Variants in ARHGAP15 observed in about 807,000 individuals in gnomAD.
ARHGAP15 encodes Rho GTPase activating protein 15.
In ARHGAP15, 51 loss-of-function variants were observed where a neutral mutation model predicts 63.7. The observed-to-expected ratio is 0.80, with a 90% CI of 0.64 to 1.01. ARHGAP15 has a LOEUF of 1.01. Among genes scored for constraint, ARHGAP15 ranks in the 50% least tolerant of loss-of-function variants. The pLI is 0.00. For synonymous variants in ARHGAP15, 191 were observed against 193.8 expected, an observed-to-expected ratio of 0.99 and a Z score of 0.12; for missense variants, 560 against 564.6, an observed-to-expected ratio of 0.99 and a Z score of 0.08.
intron 12 of ARHGAP15, among the ~76,000 whole-genome samples, chr2:143,627,533 T>C (rs1230747158): frequency 6.6e-6 from 1 of 152,168 alleles, no homozygotes; most frequent in African/African-American, 2.4e-5. Context: ...CTAAAAAGTC[T>C]TTCAAAATTT....
intron 5 of ARHGAP15, among the ~76,000 whole-genome samples, chr2:143,242,712 A>G (rs951604263): frequency 1.3e-5 from 2 of 152,182 alleles, no homozygotes; most frequent in Admixed American, 6.5e-5. Flanking sequence ...CATAAAACCC[A>G]CATCTTATAA....
chr2:143,264,689 A>G (rs1680903171), intron 6 of ARHGAP15, among the ~76,000 whole-genome samples: 1 of 152,080 alleles, frequency 6.6e-6, no homozygotes, highest in African/African-American at 2.4e-5. Flanking sequence ...GTTTTAAACC[A>G]CTAAATATTG....
chr2:143,222,848 A>G (rs1196352606), intron 4 of ARHGAP15, among the ~76,000 whole-genome samples: 1 of 152,136 alleles, frequency 6.6e-6, no homozygotes, highest in African/African-American at 2.4e-5. Flanking sequence ...CAATTGCATA[A>G]ATGGTACATA....
At position 143,216,687 on chromosome 2, in the gene ARHGAP15, C is replaced by T. The variant is rs145697771; in HGVS notation, c.296+242C>T. Reference sequence around the variant, plus strand: ...GCTTTTTGTCCTCCTTGGACTTGAACTCATAAAACACTGAAAATAAATAAG... The same window carrying T: ...GCTTTTTGTCCTCCTTGGACTTGAATTCATAAAACACTGAAAATAAATAAG... On this transcript the variant is annotated intron_variant, in intron 4 of 13. Coordinates refer to ENST00000295095, the MANE Select transcript of ARHGAP15 (RefSeq NM_018460.4). 1.3e-3 allele frequency among the ~76,000 whole-genome samples: 205 copies of T among 152,234 alleles called. 1 individual carries two copies. The highest frequency in any genetic ancestry group is 1.8e-3 in the Non-Finnish European group (123 of 67,992).
chr2:143,671,148 A>C (rs1312829681), intron 12 of ARHGAP15, among the ~76,000 whole-genome samples: 1 of 152,232 alleles, frequency 6.6e-6, no homozygotes, highest in African/African-American at 2.4e-5. Flanking sequence ...GGTTCATGCA[A>C]TATAATGCAA....
chr2:143,592,383 A>G (rs991641284), intron 11 of ARHGAP15, among the ~76,000 whole-genome samples: 5 of 152,222 alleles, frequency 3.3e-5, no homozygotes, highest in African/African-American at 1.2e-4. Context: ...TTAGTTGACT[A>G]TTTGACTTTA....
At chr2:143,265,174 G>C (rs1455669290) in intron 6 of ARHGAP15, among the ~76,000 whole-genome samples, 3 of 151,762 alleles carry the variant, frequency 2.0e-5, no homozygotes, top group Admixed American at 2.0e-4. Context: ...CTTCAAGATA[G>C]GATCTTTCTT....
At chr2:143,591,772 G>A (rs1029015132) in intron 11 of ARHGAP15, among the ~76,000 whole-genome samples, 25 of 151,474 alleles carry the variant, frequency 1.7e-4, no homozygotes, top group African/African-American at 4.4e-4. Context: ...GGTGCCTGCC[G>A]CCATGCCTGG....
chr2:143,179,822 G>A (rs1691160701), intron 2 of ARHGAP15, among the ~76,000 whole-genome samples: 1 of 151,556 alleles, frequency 6.6e-6, no homozygotes, highest in Admixed American at 6.6e-5. Context: ...AGCCCTGAAG[G>A]TGGAGGTTGC....
At chr2:143,155,712 G>T in intron 2 of ARHGAP15, 57 bp downstream of exon 2, 3 of 1,327,734 alleles carry the variant, frequency 2.3e-6, no homozygotes, top group Non-Finnish European at 3.0e-6. Context: ...TTTGTAAAAG[G>T]AAAAAAAAAA....
intron 11 of ARHGAP15, among the ~76,000 whole-genome samples, chr2:143,589,012 A>G (rs551745479): frequency 1.4e-3 from 208 of 151,868 alleles, no homozygotes; most frequent in African/African-American, 4.8e-3. Flanking sequence ...TCATTATTTC[A>G]CCTATTAAAC....
chr2:143,135,485 T>TTTAGTAG (rs1042007194), intron 1 of ARHGAP15, among the ~76,000 whole-genome samples: 4 of 152,150 alleles, frequency 2.6e-5, no homozygotes, highest in African/African-American at 9.7e-5. Flanking sequence ...ATGAAAACTG[T>TTTAGTAG]TTAGTAGGTA....
intron 6 of ARHGAP15, chr2:143,305,397 A>G (rs1217534002): frequency 1.3e-5 from 2 of 152,032 alleles, no homozygotes; most frequent in African/African-American, 4.8e-5. Flanking sequence ...GGGTGCAGCA[A>G]ACCACCATGG....
intron 2 of ARHGAP15, among the ~76,000 whole-genome samples, chr2:143,158,581 T>A (rs2105016267): frequency 6.6e-6 from 1 of 152,028 alleles, no homozygotes; most frequent in East Asian, 1.9e-4. Flanking sequence ...AAGTTACTTT[T>A]TGACGTGGGA....
In ARHGAP15 at chr2:143,174,409, T is replaced by C. The variant is rs143531622; in HGVS notation, c.165+18754T>C. On this transcript the variant is annotated intron_variant, in intron 2 of 13. Coordinates refer to ENST00000295095, the MANE Select transcript of ARHGAP15 (RefSeq NM_018460.4). ...GTTCCAACATCTCTCCCATCCATAA[T>C]TGGCAAACACTAACTGAGCTTTTAA... Among the ~76,000 whole-genome samples, 164 of 152,234 alleles carry C rather than the reference T, an allele frequency of 1.1e-3. 1 individual carries two copies. The highest frequency in any genetic ancestry group is 3.8e-3 in the African/African-American group (157 of 41,552).
intron 1 of ARHGAP15, among the ~76,000 whole-genome samples, chr2:143,152,116 G>T (rs536295266): frequency 1.6e-4 from 24 of 151,904 alleles, no homozygotes; most frequent in African/African-American, 5.6e-4. Context: ...GTACTGGTTG[G>T]GTTAGAAGGG....
chr2:143,758,491 TAAAC>T (rs765629250), intron 13 of ARHGAP15, among the ~76,000 whole-genome samples: 1 of 152,006 alleles, frequency 6.6e-6, no homozygotes, highest in African/African-American at 2.4e-5. Flanking sequence ...TAAAATGGGT[TAAAC>T]AAACAAACAT....
intron 12 of ARHGAP15, among the ~76,000 whole-genome samples, chr2:143,651,857 T>C (rs764071003): frequency 6.6e-6 from 1 of 152,054 alleles, no homozygotes; most frequent in African/African-American, 2.4e-5. Flanking sequence ...TCTTCATGTT[T>C]TCTTTGGTGA....
At chr2:143,497,426 C>G (rs1692863434) in intron 9 of ARHGAP15, among the ~76,000 whole-genome samples, 1 of 152,080 alleles carries the variant, frequency 6.6e-6, no homozygotes, top group African/African-American at 2.4e-5. Context: ...GATGCAGGGC[C>G]CTTGTCAGTG....
Sources: gnomAD v4.1 joint callset for allele counts (sites outside exome capture counted in the v4.1 genomes callset) on GRCh38, gnomAD v4.1.1 for gene constraint, MANE v1.5 for transcripts, NCBI Gene and HGNC (gene_info 2026-07-23, HGNC 2026-07-21) for gene names.